The following ATP8A1 variants were observed in gnomAD, a reference collection of about 807,000 sequenced individuals.
The protein encoded by ATP8A1 is phospholipid-transporting ATPase IA.
Under a neutral mutation model 177.7 loss-of-function variants are expected in ATP8A1, and 90 were observed. The observed-to-expected ratio is 0.51, with a 90% confidence interval of 0.43 to 0.60. The LOEUF is 0.60. Ranked by LOEUF, ATP8A1 falls within the 20% of genes least tolerant of loss-of-function variation. The pLI, the probability that ATP8A1 is intolerant of heterozygous loss-of-function variation, is 0.00. For missense variants in ATP8A1, 1,072 were observed against 1,392.8 expected, an observed-to-expected ratio of 0.77 and a Z score of 3.67; for synonymous variants, 493 against 485.9, an observed-to-expected ratio of 1.01 and a Z score of -0.19.
chr4:42,574,647 T>C lies in ATP8A1; in HGVS notation c.1267A>G (p.Lys423Glu). 1 of 1,610,132 alleles carries C rather than the reference T, an allele frequency of 6.2e-7. No individual in the cohort carries two copies. The highest frequency in any genetic ancestry group is 8.5e-7 in the Non-Finnish European group (1 of 1,178,984). ...TAAGCAACTCCCGCTATGGTGCACT[T>C]CTTAAACTGCATTACATTGCATGTC... Reference protein sequence around the residue: ...TLTCNVMQFKKCTIAGVAYGH... With the variant: ...TLTCNVMQFKECTIAGVAYGH... The change falls in exon 14 of 37, where the codon AAG becomes GAG. Residue 423 changes from lysine (K) to glutamate (E), a missense_variant. Lys to Glu is a moderately conservative substitution (Grantham distance 56). Transcript: ENST00000381668.
chr4:42,529,270 G>A (rs1477360537), intron 20 of ATP8A1, among the ~76,000 whole-genome samples: 1 of 152,230 alleles, frequency 6.6e-6, no homozygotes, highest in Admixed American at 6.5e-5. Context: ...AATCACAGTG[G>A]AGGCATCTAG....
In ATP8A1 at chr4:42,411,707, C is replaced by T. The variant is rs1355900205; in HGVS notation, c.*1209G>A. ...ACGTGTCCTCTGACTGTAAAGTTAC[C>T]GGCCTGAGTAAAATCCGCATTTTTT... is the stretch of plus-strand genomic sequence containing the variant. On this transcript the variant is annotated 3_prime_UTR_variant, in exon 37 of 37. Coordinates refer to ENST00000381668, the MANE Select transcript of ATP8A1 (RefSeq NM_006095.2). 4 of 152,216 alleles carry T rather than the reference C, an allele frequency of 2.6e-5. No homozygotes were observed. The highest frequency in any genetic ancestry group is 4.2e-4 in the South Asian group (2 of 4,816). 9.4% of individuals were successfully genotyped at this position (152,216 alleles called of 1,614,324 possible).
intron 15 of ATP8A1, among the ~76,000 whole-genome samples, chr4:42,559,078 T>C (rs1258609880): frequency 6.6e-6 from 1 of 152,050 alleles, no homozygotes; most frequent in East Asian, 1.9e-4. Flanking sequence ...CCCAGCTACT[T>C]GGGAGGCAGA....
chr4:42,582,521 C>T (rs911827378), intron 9 of ATP8A1, among the ~76,000 whole-genome samples: 6 of 137,312 alleles, frequency 4.4e-5, no homozygotes, highest in African/African-American at 1.6e-4. Context: ...TCTCCCCCCC[C>T]ACCCAAATTA....
At chr4:42,648,124 A>C (rs1740722811) in intron 1 of ATP8A1, among the ~76,000 whole-genome samples, 1 of 152,254 alleles carries the variant, frequency 6.6e-6, no homozygotes, top group African/African-American at 2.4e-5. Context: ...AATTCTCTTA[A>C]TATAAATTTA....
At chr4:42,532,142 A>G (rs1410037508) in intron 20 of ATP8A1, among the ~76,000 whole-genome samples, 1 of 152,022 alleles carries the variant, frequency 6.6e-6, no homozygotes, top group East Asian at 1.9e-4. Flanking sequence ...ACACAGACAC[A>G]CACACACATA....
In ATP8A1 at chr4:42,597,414, A is replaced by C. The variant is rs547948679; in HGVS notation, c.450+3064T>G. 3.1e-4 allele frequency among the ~76,000 whole-genome samples: 47 copies of C among 152,308 alleles called. No individual in the cohort carries two copies. The South Asian group carries it at 9.3e-3, about 30-fold the overall frequency. On this transcript the variant is annotated intron_variant, in intron 6 of 36. Transcript: ENST00000381668. ...TTACAAAGCCAGTATTTCAGTGTAC[A>C]TAGTACTATTTTTTTTCACCTATGA... is the stretch of plus-strand genomic sequence containing the variant.
At chr4:42,591,630 A>G (rs1414573854) in intron 6 of ATP8A1, among the ~76,000 whole-genome samples, 1 of 152,166 alleles carries the variant, frequency 6.6e-6, no homozygotes, top group East Asian at 1.9e-4. Context: ...CATGCGGAGA[A>G]TATGGACTTG....
At chr4:42,552,399 T>C in intron 17 of ATP8A1, 106 bp downstream of exon 17, 2 of 893,304 alleles carry the variant, frequency 2.2e-6, no homozygotes, top group Non-Finnish European at 3.4e-6. Flanking sequence ...AATAAAAATT[T>C]TTATCTAAAA....
chr4:42,566,145 A>G (rs1042022725), intron 15 of ATP8A1, among the ~76,000 whole-genome samples: 3 of 152,242 alleles, frequency 2.0e-5, no homozygotes. Context: ...GACTTAATAC[A>G]TTATAGGTTT....
intron 27 of ATP8A1, 104 bp downstream of exon 27, chr4:42,464,586 G>C (rs965534499): frequency 1.5e-6 from 1 of 667,920 alleles, no homozygotes; most frequent in Admixed American, 3.0e-5. Flanking sequence ...TAAAGAGTTG[G>C]CAAATAAAAT....
intron 24 of ATP8A1, among the ~76,000 whole-genome samples, chr4:42,490,447 C>T (rs1249858394): frequency 1.3e-5 from 2 of 152,206 alleles, no homozygotes; most frequent in African/African-American, 2.4e-5. Context: ...CCAGAGGCTA[C>T]TCCAGACCTT....
At chr4:42,572,185 A>G (rs1264167566) in intron 14 of ATP8A1, among the ~76,000 whole-genome samples, 1 of 152,212 alleles carries the variant, frequency 6.6e-6, no homozygotes, top group Non-Finnish European at 1.5e-5. Context: ...GGGCATAAAC[A>G]CCTTGCTTTC....
chr4:42,521,958 C>T (rs984757408), intron 22 of ATP8A1, among the ~76,000 whole-genome samples: 2 of 152,138 alleles, frequency 1.3e-5, no homozygotes, highest in Admixed American at 6.5e-5. Context: ...AAGATCTATA[C>T]AAAGTAATGT....
At chr4:42,487,585 A>G (rs1402142117) in intron 24 of ATP8A1, among the ~76,000 whole-genome samples, 1 of 152,014 alleles carries the variant, frequency 6.6e-6, no homozygotes, top group Non-Finnish European at 1.5e-5. Flanking sequence ...TTATATAACA[A>G]TTTTTATTAT....
chr4:42,494,159 C>CCA (rs1222621800), intron 24 of ATP8A1, among the ~76,000 whole-genome samples: 1 of 36,774 alleles, frequency 2.7e-5, no homozygotes, highest in Admixed American at 4.1e-4. Context: ...CAAGATCATG[C>CCA]CACAAAAAAA....
chr4:42,602,539 G>C (rs1033931160), intron 5 of ATP8A1, among the ~76,000 whole-genome samples: 6 of 152,068 alleles, frequency 3.9e-5, no homozygotes, highest in African/African-American at 1.4e-4. Context: ...CGAGGTGAGC[G>C]GATCACCTGA....
intron 11 of ATP8A1, 60 bp from the exon 12 acceptor site, chr4:42,578,447 C>A: frequency 1.3e-6 from 2 of 1,570,842 alleles, no homozygotes; most frequent in South Asian, 1.2e-5. Context: ...GCATTGACCC[C>A]AAATTAGCAT....
chr4:42,474,191 A>G (rs1720802943), intron 25 of ATP8A1, among the ~76,000 whole-genome samples: 1 of 152,200 alleles, frequency 6.6e-6, no homozygotes, highest in South Asian at 2.1e-4. Context: ...TACAAATTCA[A>G]GAGAAACCTT....
Sources: allele counts gnomAD v4.1 joint callset (sites outside exome capture counted in the v4.1 genomes callset), GRCh38; gene constraint gnomAD v4.1.1; transcripts MANE v1.5; gene names NCBI Gene and HGNC (gene_info 2026-07-23, HGNC 2026-07-21).